Variants in SAXO4 observed in about 807,000 individuals in gnomAD.
SAXO4 encodes protein phosphatase 1 regulatory subunit 32.
At chr11:61,489,860 C>CT in the SAXO4 span, 4 of 1,613,934 alleles carry the variant, frequency 2.5e-6, no homozygotes, top group Non-Finnish European at 2.5e-6. Context: ...TGCCAGGAGG[C>CT]TACGCCCTCA....
the SAXO4 span, chr11:61,482,794 C>G: frequency 9.9e-6 from 16 of 1,608,818 alleles, no homozygotes; most frequent in Admixed American, 5.1e-5. Flanking sequence ...CAGTGCGGGT[C>G]CCCCCACCAA....
the SAXO4 span, chr11:61,489,627 C>T: frequency 4.1e-6 from 3 of 724,974 alleles, no homozygotes; most frequent in Admixed American, 2.2e-5. Context: ...AGTAAGAGTT[C>T]CCCCAGTGGA....
chr11:61,487,991 T>C, the SAXO4 span, among the ~76,000 whole-genome samples: 72 of 149,802 alleles, frequency 4.8e-4, no homozygotes, highest in African/African-American at 1.2e-3. Context: ...TCTTCTTCTT[T>C]TTTTTTTTTT....
At chr11:61,486,882 C>A in the SAXO4 span, 2 of 1,355,460 alleles carry the variant, frequency 1.5e-6, no homozygotes, top group South Asian at 2.3e-5. Flanking sequence ...GCCTGCTCCC[C>A]TCTCCATCCC....
the SAXO4 span, chr11:61,486,670 G>A: frequency 9.4e-6 from 14 of 1,483,910 alleles, no homozygotes; most frequent in Middle Eastern, 1.7e-4. Context: ...TCTGGGAAGA[G>A]GTGGCATTTG....
the SAXO4 span, among the ~76,000 whole-genome samples, chr11:61,487,421 G>A: frequency 6.6e-6 from 1 of 152,192 alleles, no homozygotes; most frequent in Non-Finnish European, 1.5e-5. Context: ...TATTAGGCGT[G>A]TGGGAGTGGA....
chr11:61,485,937 AC>A, the SAXO4 span: 1 of 1,518,104 alleles, frequency 6.6e-7, no homozygotes, highest in Middle Eastern at 1.8e-4. Context: ...TCCTGCTAGA[AC>A]TTTAGGGGGC....
At chr11:61,485,988 G>T in the SAXO4 span, 2 of 1,027,074 alleles carry the variant, frequency 1.9e-6, no homozygotes, top group Non-Finnish European at 2.9e-6. Context: ...CTTTCCTAAA[G>T]AATGTGAGCT....
the SAXO4 span, chr11:61,481,721 G>A: frequency 1.5e-6 from 1 of 663,698 alleles, no homozygotes; most frequent in Non-Finnish European, 2.4e-6. Flanking sequence ...GCAGATCTTC[G>A]CCCCTGTGGG....
At chr11:61,485,050 C>G in the SAXO4 span, among the ~76,000 whole-genome samples, 3 of 152,216 alleles carry the variant, frequency 2.0e-5, no homozygotes, top group African/African-American at 7.2e-5. Flanking sequence ...CCTTCCTCCT[C>G]CTGCTCACGG....
the SAXO4 span, chr11:61,484,539 TA>T: frequency 9.6e-7 from 1 of 1,039,896 alleles, no homozygotes; most frequent in Non-Finnish European, 1.4e-6. Flanking sequence ...TGCAGGGCTC[TA>T]AGCAGAGAGG....
At chr11:61,482,196 C>T in the SAXO4 span, 1 of 928,890 alleles carries the variant, frequency 1.1e-6, no homozygotes, top group Non-Finnish European at 1.7e-6. Context: ...GCCCGTGGCT[C>T]TGAGCCCTCC....
chr11:61,482,460 G>T, the SAXO4 span: 24 of 1,597,156 alleles, frequency 1.5e-5, no homozygotes, highest in South Asian at 2.3e-4. Context: ...CCCAGCCCCT[G>T]CCCTGCTCAT....
the SAXO4 span, chr11:61,481,834 G>T: frequency 6.5e-7 from 1 of 1,529,980 alleles, no homozygotes; most frequent in African/African-American, 1.5e-5. Context: ...CCCCCTGGGG[G>T]TCGTCTCCCC....
chr11:61,487,207 G>A, the SAXO4 span: 4 of 1,613,942 alleles, frequency 2.5e-6, no homozygotes, highest in African/African-American at 2.7e-5. Context: ...GATCCTGACA[G>A]GGATCAGCGA....
the SAXO4 span, chr11:61,482,685 G>A: frequency 6.2e-7 from 1 of 1,614,074 alleles, no homozygotes; most frequent in Non-Finnish European, 8.5e-7. Flanking sequence ...TCCAGTCTGT[G>A]GCCAGCCAGA....
the SAXO4 span, chr11:61,484,859 G>A: frequency 6.6e-7 from 1 of 1,518,378 alleles, no homozygotes; most frequent in Admixed American, 2.1e-5. Context: ...GGGGCAGAGG[G>A]GCCACACCCG....
At chr11:61,489,412 T>C in the SAXO4 span, 1 of 509,060 alleles carries the variant, frequency 2.0e-6, no homozygotes, top group Non-Finnish European at 3.5e-6. Context: ...TACTTGTCTT[T>C]GCACCCTCTG....
the SAXO4 span, chr11:61,484,844 G>C: frequency 1.3e-5 from 20 of 1,543,650 alleles, no homozygotes; most frequent in Non-Finnish European, 1.7e-5. Context: ...TAAGGGCTTC[G>C]GGGTGGGGCA....
Sources: gnomAD v4.1 joint callset for allele counts (sites outside exome capture counted in the v4.1 genomes callset) on GRCh38, gnomAD v4.1.1 for gene constraint, MANE v1.5 for transcripts, NCBI Gene and HGNC (gene_info 2026-07-23, HGNC 2026-07-21) for gene names.